Variants in PCDHA4 observed in about 807,000 individuals in gnomAD.
The protein encoded by PCDHA4 is protocadherin alpha 4, also known as protocadherin alpha-4.
In PCDHA4, 49 loss-of-function variants were observed where a neutral mutation model predicts 61.4. That is an observed-to-expected ratio of 0.80 (90% CI 0.63 to 1.01). PCDHA4 has a LOEUF of 1.01. PCDHA4 is among the 50% of genes least tolerant of loss of function. The probability of loss-of-function intolerance (pLI) is 0.00; values close to 1 mark genes in which losing one functional copy is unlikely to be tolerated. For missense variants in PCDHA4, 1,254 were observed against 1,235.8 expected (o/e 1.01, Z -0.22); for synonymous variants, 590 against 550.3 (o/e 1.07, Z -1.01).
intron 1 of PCDHA4, among the ~76,000 whole-genome samples, chr5:140,919,543 T>C (rs2079190617): frequency 6.6e-6 from 1 of 152,200 alleles, no homozygotes; most frequent in Non-Finnish European, 1.5e-5. Context: ...ATACTTTTCA[T>C]TTACTGATTT....
At chr5:140,876,697 C>T in intron 1 of PCDHA4, 2 of 1,614,226 alleles carry the variant, frequency 1.2e-6, no homozygotes, top group Middle Eastern at 1.6e-4. Context: ...CTCGTTGGTG[C>T]TGGACAGCGC....
intron 1 of PCDHA4, among the ~76,000 whole-genome samples, chr5:140,962,075 C>T (rs999623991): frequency 6.6e-6 from 1 of 151,836 alleles, no homozygotes; most frequent in South Asian, 2.1e-4. Context: ...TTAGTAGAGA[C>T]GGGGTTTCAC....
chr5:140,950,515 C>T lies in PCDHA4; in HGVS notation c.2386-28434C>T, dbSNP rs144121614. 1.4e-3 allele frequency among the ~76,000 whole-genome samples: 220 copies of T among 151,996 alleles called. 1 individual carries two copies. The highest frequency in any genetic ancestry group is 4.9e-3 in the African/African-American group (204 of 41,490). On this transcript the variant is annotated intron_variant, in intron 1 of 3. Transcript: ENST00000530339. The stretch of plus-strand genomic sequence containing the variant: ...CATTTAAGTCATTATTCCCTGTGTG[C>T]GATATGATTGTTTTTGTTGCTCTTG...
At chr5:140,875,906 C>T in intron 1 of PCDHA4, 1 of 1,614,204 alleles carries the variant, frequency 6.2e-7, no homozygotes, top group East Asian at 2.2e-5. Flanking sequence ...GTTTCTGAAT[C>T]TGCGCCTCTG....
intron 1 of PCDHA4, chr5:140,856,046 A>G (rs781911942): frequency 1.3e-6 from 2 of 1,582,372 alleles, no homozygotes; most frequent in East Asian, 2.2e-5. Flanking sequence ...AGAGAAGGAT[A>G]AGATGGTTTC....
rs2150416183 is a variant in PCDHA4, at chr5:140,848,654, G to A, written c.2385+39082G>A. ...TGGGCCGCATCGCGCAGGACCTGGG[G>A]CTGGAGCTGGCGGAGCTGGTGCCGC... On this transcript the variant is annotated intron_variant, in intron 1 of 3. Coordinates refer to ENST00000530339, the MANE Select transcript of PCDHA4 (RefSeq NM_018907.4). The A allele has an allele frequency of 3.8e-6, 6 of 1,592,752 alleles. 1 individual carries two copies. Among genetic ancestry groups the A allele is most frequent in the African/African-American group, 1.3e-5 (1 of 74,466 alleles).
chr5:140,850,575 G>A, intron 1 of PCDHA4: 1 of 1,598,458 alleles, frequency 6.3e-7, no homozygotes, highest in Non-Finnish European at 8.6e-7. Flanking sequence ...GGTGACGCTG[G>A]TGGATGTCAA....
chr5:140,956,707 C>T (rs1461272130), intron 1 of PCDHA4, among the ~76,000 whole-genome samples: 9 of 152,120 alleles, frequency 5.9e-5, no homozygotes, highest in Non-Finnish European at 1.3e-4. Flanking sequence ...TTTGGAATAG[C>T]TTCAGAAGAA....
chr5:140,848,357 T>A (rs2150409370), intron 1 of PCDHA4: 1 of 1,035,382 alleles, frequency 9.7e-7, no homozygotes, highest in Non-Finnish European at 1.4e-6. Flanking sequence ...CCTTTTCCCA[T>A]GGGAAAGAGG....
chr5:140,929,364 A>C (rs782443919), intron 1 of PCDHA4: 3 of 1,521,318 alleles, frequency 2.0e-6, no homozygotes, highest in Admixed American at 2.2e-5. Flanking sequence ...TTTGGCCCGG[A>C]GATGGCTGCT....
chr5:140,965,496 A>ATT lies in PCDHA4; in HGVS notation c.2386-13439_2386-13438dup, dbSNP rs71766133. On this transcript the variant is annotated intron_variant, in intron 1 of 3. Coordinates refer to ENST00000530339, the MANE Select transcript of PCDHA4 (RefSeq NM_018907.4). Reference sequence around the variant, plus strand: ...CCCACATTTTGCTTAATGACAGCAGATTTTTTTTTTTTTTTAACTGCAAAG... The same window carrying ATT: ...CCCACATTTTGCTTAATGACAGCAGATTTTTTTTTTTTTTTTTAACTGCAAAG... Among the ~76,000 whole-genome samples the ATT allele has an allele frequency of 3.3e-3, 482 of 146,482 alleles. 3 individuals are homozygous for ATT. The highest frequency in any genetic ancestry group is 0.011 in the African/African-American group (455 of 40,032).
chr5:140,878,728 C>T (rs1554170509), intron 1 of PCDHA4, among the ~76,000 whole-genome samples: 1 of 152,170 alleles, frequency 6.6e-6, no homozygotes, highest in Non-Finnish European at 1.5e-5. Flanking sequence ...AATTTCCAGC[C>T]TTATATCTAC....
chr5:140,885,283 T>C (rs1326439795), intron 1 of PCDHA4, among the ~76,000 whole-genome samples: 2 of 152,298 alleles, frequency 1.3e-5, no homozygotes, highest in Admixed American at 6.5e-5. Context: ...TATATACATA[T>C]ATAGAGAGAG....
chr5:140,836,382 G>C (rs2150259409), intron 1 of PCDHA4: 27 of 1,613,752 alleles, frequency 1.7e-5, no homozygotes, highest in Non-Finnish European at 2.1e-5. Flanking sequence ...CACCGTGCTG[G>C]TGTCGCTGGT....
chr5:140,849,573 A>T, intron 1 of PCDHA4: 1 of 1,598,648 alleles, frequency 6.3e-7, no homozygotes. Flanking sequence ...GGTTCCTGTA[A>T]AAGAGGACGC....
Position 140,808,944 on chromosome 5 carries a change from G to T in PCDHA4, c.1757G>T (p.Gly586Val). ...AGCGAGCTGGTGCCATGGTCGGTGG[G>T]TGTGGGCCACGTGGTGGCAAAGGTG... ...AVSELVPWSV[G>V]VGHVVAKVRA... The change falls in exon 1 of 4, where the codon GGT (glycine) becomes GTT (valine). Residue 586 changes from glycine (G) to valine (V), a missense_variant. Physicochemically the swap from Gly to Val is moderately radical, Grantham distance 109. Transcript: ENST00000530339. The T allele has an allele frequency of 1.2e-6, 2 of 1,613,698 alleles. No homozygotes were observed. The highest frequency in any genetic ancestry group is 1.7e-6 in the Non-Finnish European group (2 of 1,179,830).
In PCDHA4 at chr5:140,922,291, T is replaced by A. The variant is rs951080588; in HGVS notation, c.2386-56658T>A. ...AGATTGGACCAAGATATGAAAATGC[T>A]AGGAGAGGATACCTTTCACTGAAGA... On this transcript the variant is annotated intron_variant, in intron 1 of 3. Coordinates refer to ENST00000530339, the MANE Select transcript of PCDHA4 (RefSeq NM_018907.4). Among the ~76,000 whole-genome samples, 38 of 152,228 alleles carry A rather than the reference T, an allele frequency of 2.5e-4. 1 individual carries two copies. The highest frequency in any genetic ancestry group is 1.5e-5 in the Non-Finnish European group (1 of 68,048).
At chr5:140,955,183 G>A (rs556157825) in intron 1 of PCDHA4, among the ~76,000 whole-genome samples, 1 of 152,122 alleles carries the variant, frequency 6.6e-6, no homozygotes, top group South Asian at 2.1e-4. Flanking sequence ...GTAGTTTTGT[G>A]GTGTATATGA....
At chr5:140,938,336 A>G (rs1251086891) in intron 1 of PCDHA4, among the ~76,000 whole-genome samples, 1 of 152,204 alleles carries the variant, frequency 6.6e-6, no homozygotes, top group African/African-American at 2.4e-5. Context: ...ATGTTAATGG[A>G]TAATCTTGTC....
Sources: allele counts gnomAD v4.1 joint callset (sites outside exome capture counted in the v4.1 genomes callset), GRCh38; gene constraint gnomAD v4.1.1; transcripts MANE v1.5; gene names NCBI Gene and HGNC (gene_info 2026-07-23, HGNC 2026-07-21).